Variants in NKAIN1 observed in about 807,000 individuals in gnomAD.
The protein encoded by NKAIN1 is sodium/potassium transporting ATPase interacting 1, also known as sodium/potassium-transporting ATPase subunit beta-1-interacting protein 1.
Under a neutral mutation model 31.6 loss-of-function variants are expected in NKAIN1, and 13 were observed. That is an observed-to-expected ratio of 0.41 (90% CI 0.27 to 0.65). The LOEUF (loss-of-function observed/expected upper bound fraction) is 0.65. NKAIN1 is among the 30% of genes least tolerant of loss of function. The pLI, the probability that NKAIN1 is intolerant of heterozygous loss-of-function variation, is 0.30. For synonymous variants in NKAIN1, 104 were observed against 109.0 expected (o/e 0.95, Z 0.28); for missense variants, 193 against 262.2 (o/e 0.74, Z 1.82).
intron 1 of NKAIN1, among the ~76,000 whole-genome samples, chr1:31,224,293 T>C (rs953364639): frequency 4.6e-5 from 7 of 152,154 alleles, no homozygotes; most frequent in East Asian, 1.9e-4. Context: ...TCAGAGTTCA[T>C]GAATAAATGA....
chr1:31,230,476 A>G (rs529772056), intron 1 of NKAIN1, among the ~76,000 whole-genome samples: 6 of 152,318 alleles, frequency 3.9e-5, no homozygotes, highest in East Asian at 1.9e-4. Flanking sequence ...CAGGAGGCCA[A>G]TGTAAATCAG....
chr1:31,214,057 TAAG>T (rs1335207261), intron 1 of NKAIN1, among the ~76,000 whole-genome samples: 3 of 151,192 alleles, frequency 2.0e-5, no homozygotes, highest in African/African-American at 7.3e-5. Flanking sequence ...AATAAAAATT[TAAG>T]AAGTGATATA....
rs1051008853 is a variant in NKAIN1, at chr1:31,208,527, C to T, written c.55-20340G>A. On this transcript the variant is annotated intron_variant, in intron 1 of 6. Coordinates refer to ENST00000373736, the MANE Select transcript of NKAIN1 (RefSeq NM_024522.3). ...CTACCCTATCAAGCAGGGAAGCCTA[C>T]CTGCCTTCACAGCACCCCTGGGGGT... Among the ~76,000 whole-genome samples the T allele has an allele frequency of 2.6e-5, 4 of 152,128 alleles. No homozygotes were observed. The South Asian group carries it at 6.2e-4, about 24-fold the overall frequency.
At chr1:31,187,652 C>T (rs1645254292) in intron 2 of NKAIN1, among the ~76,000 whole-genome samples, 1 of 152,128 alleles carries the variant, frequency 6.6e-6, no homozygotes, top group Non-Finnish European at 1.5e-5. Flanking sequence ...CTTTCATTAG[C>T]TGTGTGACCT....
chr1:31,222,131 G>A (rs1645569836), intron 1 of NKAIN1, among the ~76,000 whole-genome samples: 1 of 152,114 alleles, frequency 6.6e-6, no homozygotes, highest in Non-Finnish European at 1.5e-5. Flanking sequence ...CACCCGCCTC[G>A]GCCTCTCAGT....
chr1:31,185,604 T>C (rs1317997793), intron 2 of NKAIN1, among the ~76,000 whole-genome samples: 1 of 152,162 alleles, frequency 6.6e-6, no homozygotes, highest in African/African-American at 2.4e-5. Context: ...GAGGTAGGGC[T>C]GCCACTCAAA....
At chr1:31,215,805 T>C (rs1216048019) in intron 1 of NKAIN1, among the ~76,000 whole-genome samples, 1 of 152,186 alleles carries the variant, frequency 6.6e-6, no homozygotes, top group Non-Finnish European at 1.5e-5. Context: ...CCAGTGACTA[T>C]GCTAGAAGGG....
At chr1:31,236,830 C>A (rs1645695845) in intron 1 of NKAIN1, among the ~76,000 whole-genome samples, 1 of 152,168 alleles carries the variant, frequency 6.6e-6, no homozygotes, top group Non-Finnish European at 1.5e-5. Flanking sequence ...GGCAGAGAGA[C>A]ACTCTACCAC....
intron 1 of NKAIN1, among the ~76,000 whole-genome samples, chr1:31,188,617 C>G (rs904057438): frequency 5.9e-5 from 9 of 152,304 alleles, no homozygotes; most frequent in African/African-American, 2.2e-4. Flanking sequence ...AGAAGGAATG[C>G]TTTTCACTCC....
At position 31,195,481 on chromosome 1, in the gene NKAIN1, C is replaced by T. The variant is rs182888257; in HGVS notation, c.55-7294G>A. Among the ~76,000 whole-genome samples, 64 of 152,206 alleles carry T rather than the reference C, an allele frequency of 4.2e-4. No homozygotes were observed. In the East Asian group the frequency reaches 8.3e-3, roughly 20 times the overall value. On this transcript the variant is annotated intron_variant, in intron 1 of 6. Transcript: ENST00000373736. ...CCCTGCCGCCGCGGCTGGCCCCCGC[C>T]ACCTGCACTCTGGATCCAGCTCCTC...
intron 1 of NKAIN1, among the ~76,000 whole-genome samples, chr1:31,201,362 T>A (rs1645378196): frequency 1.4e-5 from 2 of 147,762 alleles, no homozygotes; most frequent in Non-Finnish European, 3.0e-5. Flanking sequence ...CCTACCCTAT[T>A]TTTTTTTTTT....
intron 1 of NKAIN1, among the ~76,000 whole-genome samples, chr1:31,200,887 G>A (rs953075224): frequency 3.3e-5 from 5 of 151,496 alleles, no homozygotes; most frequent in East Asian, 1.9e-4. Flanking sequence ...AGGCTGGAGC[G>A]CAGTGGTGCG....
intron 1 of NKAIN1, among the ~76,000 whole-genome samples, chr1:31,218,946 A>G (rs2148362849): frequency 6.6e-6 from 1 of 152,268 alleles, no homozygotes; most frequent in African/African-American, 2.4e-5. Context: ...TGACAGGCTG[A>G]GCAGCTGGCA....
At chr1:31,190,662 A>C (rs1158329092) in intron 1 of NKAIN1, among the ~76,000 whole-genome samples, 3 of 152,258 alleles carry the variant, frequency 2.0e-5, no homozygotes, top group Non-Finnish European at 4.4e-5. Context: ...TCTTCCATGC[A>C]TGGAAGTCAC....
chr1:31,199,367 G>T (rs1645359160), intron 1 of NKAIN1, among the ~76,000 whole-genome samples: 1 of 152,192 alleles, frequency 6.6e-6, no homozygotes, highest in Admixed American at 6.5e-5. Flanking sequence ...TGTCTGGCAC[G>T]CAGTTGGTGC....
chr1:31,183,414 G>A (rs936879606), intron 4 of NKAIN1, among the ~76,000 whole-genome samples: 4 of 145,810 alleles, frequency 2.7e-5, no homozygotes, highest in Admixed American at 1.4e-4. Context: ...ACAGACAGGC[G>A]GAAGACCTAG....
rs537803674 is a variant in NKAIN1 at position 31,217,645 on chromosome 1, T to C, written c.54+21849A>G. Among the ~76,000 whole-genome samples, 5 of 152,346 alleles carry C rather than the reference T, an allele frequency of 3.3e-5. No individual in the cohort carries two copies. In the East Asian group the frequency reaches 9.6e-4, roughly 29 times the overall value. ...CACCCACTGGGGGATCTTATTCTTG[T>C]TCCAGGTATTTTTGTCTGGAATTAC... On this transcript the variant is annotated intron_variant, in intron 1 of 6. Transcript: ENST00000373736.
intron 1 of NKAIN1, among the ~76,000 whole-genome samples, chr1:31,234,092 C>T (rs924530033): frequency 6.6e-6 from 1 of 152,234 alleles, no homozygotes; most frequent in South Asian, 2.1e-4. Context: ...CCTGCTCCGC[C>T]CATCTCATAA....
intron 1 of NKAIN1, among the ~76,000 whole-genome samples, chr1:31,221,822 A>G (rs899012715): frequency 1.3e-5 from 2 of 152,154 alleles, no homozygotes; most frequent in Non-Finnish European, 2.9e-5. Flanking sequence ...CCTGAAGGCA[A>G]TGAGGGGCCA....
Sources: gnomAD v4.1 joint callset for allele counts (sites outside exome capture counted in the v4.1 genomes callset) on GRCh38, gnomAD v4.1.1 for gene constraint, MANE v1.5 for transcripts, NCBI Gene and HGNC (gene_info 2026-07-23, HGNC 2026-07-21) for gene names.